The following ZRANB3 variants were observed in gnomAD, a reference collection of about 807,000 sequenced individuals.
The protein encoded by ZRANB3 is DNA annealing helicase and endonuclease ZRANB3.
Under a neutral mutation model 133.8 loss-of-function variants are expected in ZRANB3, and 125 were observed. That is an observed-to-expected ratio of 0.93 (90% CI 0.81 to 1.08). The LOEUF (loss-of-function observed/expected upper bound fraction) is 1.08. ZRANB3 is among the 50% of genes least tolerant of loss of function. ZRANB3 has a pLI of 0.00. For synonymous variants in ZRANB3, 387 were observed against 432.7 expected, an observed-to-expected ratio of 0.89 and a Z score of 1.31; for missense variants, 1,229 against 1,275.5, an observed-to-expected ratio of 0.96 and a Z score of 0.56.
intron 9 of ZRANB3, among the ~76,000 whole-genome samples, chr2:135,272,413 G>GATTTTTTTTTTT (rs1558877433): frequency 9.1e-6 from 1 of 109,912 alleles, no homozygotes; most frequent in African/African-American, 5.7e-5. Context: ...GGAAAATAGA[G>GATTTTTTTTTTT]CTTTTTTTTT....
intron 8 of ZRANB3, among the ~76,000 whole-genome samples, chr2:135,282,935 T>C (rs747313430): frequency 2.6e-5 from 4 of 152,218 alleles, no homozygotes; most frequent in Admixed American, 6.5e-5. Flanking sequence ...AATAGTATTA[T>C]GAGCTTTAAA....
Position 135,269,915 on chromosome 2 carries a change from T to G in ZRANB3, c.1207-774A>C, listed in dbSNP as rs539458924. Among the ~76,000 whole-genome samples, 23 of 152,334 alleles carry G rather than the reference T, an allele frequency of 1.5e-4. 1 individual carries two copies. In the East Asian group the frequency reaches 3.7e-3, roughly 24 times the overall value. On this transcript the variant is annotated intron_variant, in intron 10 of 20. Coordinates refer to ENST00000264159, the MANE Select transcript of ZRANB3 (RefSeq NM_032143.4). ...GTAAACAGAAATATCTGCCTTTTTT[T>G]GAGTATTATTTAATCAATGCTGTTT...
At chr2:135,424,294 CA>C (rs1480785204) in intron 2 of ZRANB3, among the ~76,000 whole-genome samples, 3 of 151,136 alleles carry the variant, frequency 2.0e-5, no homozygotes, top group Admixed American at 2.0e-4. Context: ...CAAAACAGAG[CA>C]AAAAGATGAG....
intron 2 of ZRANB3, among the ~76,000 whole-genome samples, chr2:135,408,295 G>C (rs1413162056): frequency 6.6e-6 from 1 of 152,134 alleles, no homozygotes; most frequent in Non-Finnish European, 1.5e-5. Context: ...ACACCAGTTA[G>C]AATGGCGATC....
chr2:135,502,424 T>A (rs559126874), intron 2 of ZRANB3, among the ~76,000 whole-genome samples: 10 of 152,222 alleles, frequency 6.6e-5, no homozygotes, highest in Non-Finnish European at 1.0e-4. Context: ...AGTCTAGCTA[T>A]GAAAAAGGGA....
At chr2:135,454,232 T>C (rs1255469599) in intron 2 of ZRANB3, among the ~76,000 whole-genome samples, 6 of 152,226 alleles carry the variant, frequency 3.9e-5, no homozygotes, top group Non-Finnish European at 7.3e-5. Context: ...GCAGCCATTT[T>C]TAGACAGTAC....
intron 1 of ZRANB3, among the ~76,000 whole-genome samples, chr2:135,520,066 T>G (rs1427300650): frequency 6.7e-6 from 1 of 149,630 alleles, no homozygotes; most frequent in South Asian, 2.1e-4. Flanking sequence ...TTAAATCTTT[T>G]TTTTCCACTT....
intron 2 of ZRANB3, among the ~76,000 whole-genome samples, chr2:135,492,264 C>G (rs76281705): frequency 0.032 from 4,838 of 152,114 alleles, 244 homozygotes; most frequent in African/African-American, 0.11. Context: ...AAAAGACAAA[C>G]TGAGTAACAA....
chr2:135,253,972 C>T (rs1679526752), intron 12 of ZRANB3, among the ~76,000 whole-genome samples: 1 of 152,198 alleles, frequency 6.6e-6, no homozygotes, highest in Non-Finnish European at 1.5e-5. Context: ...CATGACACTA[C>T]ATACTTCCAG....
rs545880138 is a variant in ZRANB3 at position 135,278,770 on chromosome 2, C to G, written c.967-3015G>C. Among the ~76,000 whole-genome samples, 21 of 152,056 alleles carry G rather than the reference C, an allele frequency of 1.4e-4. 1 individual carries two copies. The highest frequency in any genetic ancestry group is 2.9e-5 in the Non-Finnish European group (2 of 68,000). On this transcript the variant is annotated intron_variant, in intron 8 of 20. Coordinates refer to ENST00000264159, the MANE Select transcript of ZRANB3 (RefSeq NM_032143.4). ...AAATAAAATGAGTTGTGGAAGAAAA[C>G]GTATCCATAGCATACCATGTTTCAC...
chr2:135,408,900 C>T (rs549225306), intron 2 of ZRANB3, among the ~76,000 whole-genome samples: 30 of 152,006 alleles, frequency 2.0e-4, no homozygotes, highest in Admixed American at 7.2e-4. Context: ...GGGTGCAGCA[C>T]GCCAACATGG....
intron 2 of ZRANB3, among the ~76,000 whole-genome samples, chr2:135,472,730 A>G (rs1691325794): frequency 6.6e-6 from 1 of 152,184 alleles, no homozygotes; most frequent in Non-Finnish European, 1.5e-5. Flanking sequence ...AGGTTGAAAT[A>G]TCAGCCACCT....
chr2:135,441,154 A>G (rs1270842925), intron 2 of ZRANB3, among the ~76,000 whole-genome samples: 1 of 152,228 alleles, frequency 6.6e-6, no homozygotes, highest in Non-Finnish European at 1.5e-5. Flanking sequence ...AGATAAACAC[A>G]CAAAAGAAGC....
chr2:135,210,853 A>AAGATATT lies in ZRANB3; in HGVS notation c.2496-1876_2496-1875insAATATCT, dbSNP rs1694067754. On this transcript the variant is annotated intron_variant, in intron 17 of 20. Coordinates refer to ENST00000264159, the MANE Select transcript of ZRANB3 (RefSeq NM_032143.4). Reference sequence around the variant, plus strand: ...TCTTTTCACACATTCACATGGTGAAACCCTGTCTCTACTAAAAGTACAAAA... The same window carrying AAGATATT: ...TCTTTTCACACATTCACATGGTGAAAAGATATTCCCTGTCTCTACTAAAAGTACAAAA... Among the ~76,000 whole-genome samples, 9 of 152,124 alleles carry AAGATATT rather than the reference A, an allele frequency of 5.9e-5. No individual in the cohort carries two copies. The South Asian group carries it at 1.9e-3, about 32-fold the overall frequency.
chr2:135,440,846 G>T (rs148273178), intron 2 of ZRANB3, among the ~76,000 whole-genome samples: 1 of 152,080 alleles, frequency 6.6e-6, no homozygotes, highest in Non-Finnish European at 1.5e-5. Flanking sequence ...TGCAGCAAAC[G>T]GAAACTAACA....
chr2:135,407,426 C>T (rs1043672714), intron 2 of ZRANB3, among the ~76,000 whole-genome samples: 1 of 151,266 alleles, frequency 6.6e-6, no homozygotes, highest in Non-Finnish European at 1.5e-5. Flanking sequence ...CAATGCCATC[C>T]CCATCAAGCT....
At chr2:135,488,144 G>A (rs541577199) in intron 2 of ZRANB3, among the ~76,000 whole-genome samples, 1 of 152,250 alleles carries the variant, frequency 6.6e-6, no homozygotes, top group South Asian at 2.1e-4. Context: ...AAGAGAGGAA[G>A]AGCCAGTCGG....
intron 5 of ZRANB3, among the ~76,000 whole-genome samples, chr2:135,347,417 C>T (rs908945689): frequency 2.6e-5 from 4 of 152,062 alleles, no homozygotes; most frequent in African/African-American, 4.8e-5. Flanking sequence ...CTCAGCCTCC[C>T]GAGCAGCTGG....
chr2:135,432,173 C>T (rs1689352317), intron 2 of ZRANB3, among the ~76,000 whole-genome samples: 1 of 152,186 alleles, frequency 6.6e-6, no homozygotes, highest in Admixed American at 6.5e-5. Flanking sequence ...TCGCTTGAAC[C>T]CAGGAGGCGG....
Sources: gnomAD v4.1 joint callset for allele counts (sites outside exome capture counted in the v4.1 genomes callset) on GRCh38, gnomAD v4.1.1 for gene constraint, MANE v1.5 for transcripts, NCBI Gene and HGNC (gene_info 2026-07-23, HGNC 2026-07-21) for gene names.